DENND5B: variants seen among roughly 807,000 people sequenced by gnomAD.
DENND5B encodes the protein DENN domain containing 5B.
DENND5B carries 34 observed loss-of-function variants against 140.6 expected under a neutral mutation model. That is an observed-to-expected ratio of 0.24 (90% CI 0.18 to 0.32). The LOEUF is 0.32. Among genes scored for constraint, DENND5B ranks in the 10% least tolerant of loss-of-function variants. The pLI is 1.00. For synonymous variants in DENND5B, 551 were observed against 562.1 expected, an observed-to-expected ratio of 0.98 and a Z score of 0.28; for missense variants, 1,142 against 1,560.2, an observed-to-expected ratio of 0.73 and a Z score of 4.52.
At chr12:31,478,236 C>T (rs1023250594) in intron 3 of DENND5B, among the ~76,000 whole-genome samples, 1 of 152,102 alleles carries the variant, frequency 6.6e-6, no homozygotes, top group Non-Finnish European at 1.5e-5. Flanking sequence ...CGGCTGTCAA[C>T]ACACAAATAG....
At chr12:31,480,750 A>G (rs1169867102) in intron 2 of DENND5B, among the ~76,000 whole-genome samples, 1 of 152,182 alleles carries the variant, frequency 6.6e-6, no homozygotes, top group East Asian at 1.9e-4. Context: ...AAAAAAGTTA[A>G]ACAAAGAATA....
At chr12:31,436,814 CG>C (rs1446063029) in intron 7 of DENND5B, among the ~76,000 whole-genome samples, 1 of 152,244 alleles carries the variant, frequency 6.6e-6, no homozygotes, top group East Asian at 1.9e-4. Context: ...GGATTACAGA[CG>C]TGAGTCACTG....
intron 1 of DENND5B, among the ~76,000 whole-genome samples, chr12:31,521,111 T>C (rs1947860870): frequency 6.6e-6 from 1 of 152,018 alleles, no homozygotes; most frequent in Admixed American, 6.6e-5. Context: ...GTCTTTTTTT[T>C]TTTTTTAATT....
chr12:31,423,608 G>A lies in DENND5B; in HGVS notation c.2459C>T (p.Ala820Val). 1 of 1,613,852 alleles carries A rather than the reference G, an allele frequency of 6.2e-7. No homozygotes were observed. Among genetic ancestry groups the A allele is most frequent in the Admixed American group, 1.7e-5 (1 of 60,016 alleles). ...CAATGATGTCATACCTGGTGATTCT[G>A]CAAGGTGCTCTTGTTTCTCTTCTCT... ...QDREEKQEHLAESPVALGPER... is the reference protein window; with the variant it reads ...QDREEKQEHLVESPVALGPER... Residue 820 changes from alanine (A) to valine (V), a missense_variant, in exon 11 of 21, where the codon GCA becomes GTA. This residue lies in a region of DENND5B where 268 missense variants were observed against 349.2 expected (regional missense o/e 0.77). Transcript: ENST00000389082.
intron 5 of DENND5B, among the ~76,000 whole-genome samples, chr12:31,448,156 T>G (rs912228729): frequency 6.6e-6 from 1 of 151,970 alleles, no homozygotes; most frequent in African/African-American, 2.4e-5. Context: ...TTCTTTGAGA[T>G]GGAGTCTCGC....
chr12:31,408,626 A>C (rs1174620683), intron 14 of DENND5B, among the ~76,000 whole-genome samples: 5 of 45,894 alleles, frequency 1.1e-4, no homozygotes, highest in African/African-American at 2.6e-4. Flanking sequence ...GACTCTATCA[A>C]AAAAAAAAAA....
intron 1 of DENND5B, among the ~76,000 whole-genome samples, chr12:31,525,820 C>T (rs1948066368): frequency 6.6e-6 from 1 of 152,200 alleles, no homozygotes; most frequent in East Asian, 1.9e-4. Context: ...GGAGAAACCC[C>T]TTCTCTACAG....
intron 3 of DENND5B, among the ~76,000 whole-genome samples, chr12:31,476,034 G>A (rs1393111171): frequency 2.0e-5 from 3 of 152,024 alleles, no homozygotes; most frequent in East Asian, 1.9e-4. Context: ...GCTGAGGCAC[G>A]AGAATCGCTT....
intron 5 of DENND5B, among the ~76,000 whole-genome samples, chr12:31,447,997 T>C (rs756812353): frequency 1.3e-5 from 2 of 152,206 alleles, no homozygotes; most frequent in Non-Finnish European, 2.9e-5. Context: ...AAATTTACAT[T>C]CTGATCCTTA....
intron 1 of DENND5B, among the ~76,000 whole-genome samples, chr12:31,555,091 G>A (rs1264371226): frequency 6.6e-6 from 1 of 152,158 alleles, no homozygotes; most frequent in African/African-American, 2.4e-5. Context: ...TTGTTCCGTT[G>A]CTGGTGAGGA....
intron 13 of DENND5B, among the ~76,000 whole-genome samples, chr12:31,413,217 G>A (rs1451501164): frequency 6.6e-6 from 1 of 152,160 alleles, no homozygotes; most frequent in Non-Finnish European, 1.5e-5. Flanking sequence ...ATGCCCAACT[G>A]CAATCTGGCC....
intron 1 of DENND5B, among the ~76,000 whole-genome samples, chr12:31,500,229 T>C (rs1360479563): frequency 1.3e-5 from 2 of 152,208 alleles, no homozygotes; most frequent in South Asian, 2.1e-4. Context: ...TAAGACTAAA[T>C]GACCAACTTT....
chr12:31,588,439 G>C (rs1444037674), intron 1 of DENND5B, among the ~76,000 whole-genome samples: 1 of 152,158 alleles, frequency 6.6e-6, no homozygotes, highest in Non-Finnish European at 1.5e-5. Flanking sequence ...ATTCAACCAA[G>C]CACAGATTGA....
intron 1 of DENND5B, among the ~76,000 whole-genome samples, chr12:31,579,979 AT>A (rs1013115506): frequency 1.6e-4 from 23 of 147,468 alleles, no homozygotes; most frequent in Non-Finnish European, 2.4e-4. Flanking sequence ...ATATAAAAAA[AT>A]ATATATATAG....
chr12:31,487,853 T>C (rs1358992407), intron 2 of DENND5B, among the ~76,000 whole-genome samples: 1 of 152,214 alleles, frequency 6.6e-6, no homozygotes, highest in African/African-American at 2.4e-5. Flanking sequence ...GTGCATGGCA[T>C]ATAACAATTG....
intron 11 of DENND5B, among the ~76,000 whole-genome samples, chr12:31,420,234 T>C (rs1162037133): frequency 6.6e-6 from 1 of 151,928 alleles, no homozygotes; most frequent in African/African-American, 2.4e-5. Context: ...GCTCAAGTGA[T>C]CCTCCCACCT....
At chr12:31,580,023 C>T (rs1266077939) in intron 1 of DENND5B, among the ~76,000 whole-genome samples, 1 of 28,672 alleles carries the variant, frequency 3.5e-5, no homozygotes, top group Non-Finnish European at 6.1e-5. Flanking sequence ...GAGAACTGTA[C>T]TGACTGACTG....
At chr12:31,553,633 T>C (rs1206398432) in intron 1 of DENND5B, among the ~76,000 whole-genome samples, 1 of 152,198 alleles carries the variant, frequency 6.6e-6, no homozygotes. Context: ...ACTTTCTGTG[T>C]CATTGATCTG....
At chr12:31,560,563 T>C (rs947153462) in intron 1 of DENND5B, among the ~76,000 whole-genome samples, 3 of 152,162 alleles carry the variant, frequency 2.0e-5, no homozygotes, top group Non-Finnish European at 4.4e-5. Flanking sequence ...AATTTAGTCT[T>C]AATACAGCTA....
Sources: allele counts gnomAD v4.1 joint callset (sites outside exome capture counted in the v4.1 genomes callset), GRCh38; gene constraint gnomAD v4.1.1; regional missense constraint gnomAD v4.1.1; transcripts MANE v1.5; gene names NCBI Gene and HGNC (gene_info 2026-07-23, HGNC 2026-07-21).